The following NCKAP5 variants were observed in gnomAD, a reference collection of about 807,000 sequenced individuals.
The protein encoded by NCKAP5 is nck-associated protein 5.
Under a neutral mutation model 167.0 loss-of-function variants are expected in NCKAP5, and 92 were observed. The observed-to-expected ratio is 0.55, with a 90% CI of 0.47 to 0.66. The LOEUF (loss-of-function observed/expected upper bound fraction) is 0.66, where lower values mean the gene tolerates loss of function less well. Among genes scored for constraint, NCKAP5 ranks in the 30% least tolerant of loss-of-function variants. The pLI is 0.00. For missense variants in NCKAP5, 2,378 were observed against 2,315.0 expected (o/e 1.03, Z -0.56); for synonymous variants, 891 against 877.4 (o/e 1.02, Z -0.27).
rs750398056 is a variant in NCKAP5 at position 132,782,955 on chromosome 2, G to C, written c.3856C>G (p.Pro1286Ala). The C allele has an allele frequency of 1.5e-5, 24 of 1,613,888 alleles. No individual in the cohort carries two copies. The highest frequency in any genetic ancestry group is 1.2e-4 in the Admixed American group (7 of 59,996). The stretch of plus-strand genomic sequence containing the variant: ...GACCCTTCGATGGGGGGCGTAGAAG[G>C]CTTGTCTCCTGAGTGTGTACTGAAG... ...HSFSTHSGDK[P>A]STPPIEGSGK... Residue 1286 changes from proline to alanine, a missense_variant, in exon 14 of 20, where the codon CCT (proline) becomes GCT (alanine). Coordinates refer to ENST00000409261, the MANE Select transcript of NCKAP5 (RefSeq NM_207363.3).
At chr2:133,122,172 A>G (rs545680883) in intron 6 of NCKAP5, 2 of 152,298 alleles carry the variant, frequency 1.3e-5, no homozygotes, top group East Asian at 3.9e-4. Flanking sequence ...AGGGTCAATG[A>G]TTGTCCAAAC....
chr2:132,721,382 C>G (rs1689912472), intron 19 of NCKAP5, among the ~76,000 whole-genome samples: 1 of 152,114 alleles, frequency 6.6e-6, no homozygotes, highest in African/African-American at 2.4e-5. Context: ...GGGCAGCTAT[C>G]TTGGCAAACA....
chr2:133,378,197 C>A (rs977651670), intron 3 of NCKAP5, among the ~76,000 whole-genome samples: 3 of 151,992 alleles, frequency 2.0e-5, no homozygotes, highest in Non-Finnish European at 4.4e-5. Flanking sequence ...AATGATAGTA[C>A]AGATCTTACT....
At chr2:133,586,526 C>T in the NCKAP5 span, among the ~76,000 whole-genome samples, 5 of 152,266 alleles carry the variant, frequency 3.3e-5, no homozygotes, top group Non-Finnish European at 5.9e-5. Context: ...AACAGGTCAT[C>T]GCTCAAGGAC....
the NCKAP5 span, among the ~76,000 whole-genome samples, chr2:133,646,866 A>C: frequency 2.6e-5 from 4 of 152,162 alleles, no homozygotes; most frequent in Admixed American, 2.6e-4. Context: ...CAAAGTACAG[A>C]CTTTTTGTAT....
chr2:133,542,026 C>T (rs760584643), intron 2 of NCKAP5, among the ~76,000 whole-genome samples: 16 of 152,268 alleles, frequency 1.1e-4, no homozygotes, highest in Middle Eastern at 3.4e-3. Context: ...ACTGAATTCT[C>T]TCACATGGTA....
intron 5 of NCKAP5, among the ~76,000 whole-genome samples, chr2:133,202,145 G>C (rs886325967): frequency 2.0e-5 from 3 of 152,086 alleles, no homozygotes; most frequent in Non-Finnish European, 2.9e-5. Context: ...ATACTACAAG[G>C]CTACAGTAAC....
chr2:132,894,380 A>G (rs182322676), intron 8 of NCKAP5, among the ~76,000 whole-genome samples: 1 of 152,358 alleles, frequency 6.6e-6, no homozygotes, highest in African/African-American at 2.4e-5. Context: ...TGGGTAACAA[A>G]GTGAGATAAA....
chr2:133,334,661 G>A (rs2150739668), intron 3 of NCKAP5, among the ~76,000 whole-genome samples: 2 of 152,210 alleles, frequency 1.3e-5, no homozygotes. Flanking sequence ...TATGTAGATT[G>A]GGCTTGGTTA....
chr2:133,141,175 T>C (rs2082982418), intron 5 of NCKAP5, among the ~76,000 whole-genome samples: 2 of 152,162 alleles, frequency 1.3e-5, no homozygotes, highest in Admixed American at 1.3e-4. Flanking sequence ...TCTGTCATCT[T>C]CTTTCCCTTA....
At chr2:133,129,092 C>CTTTTTTTTTTTT (rs58355335) in intron 6 of NCKAP5, among the ~76,000 whole-genome samples, 1 of 143,930 alleles carries the variant, frequency 6.9e-6, no homozygotes. Context: ...TTTGGCTGGC[C>CTTTTTTTTTTTT]TTTTTTTTTT....
chr2:133,065,631 T>A (rs1559104421), intron 6 of NCKAP5, among the ~76,000 whole-genome samples: 3 of 152,044 alleles, frequency 2.0e-5, no homozygotes, highest in African/African-American at 7.2e-5. Flanking sequence ...CTTAAAAATT[T>A]TTTTTCTCTC....
At chr2:133,488,338 G>A (rs1681097690) in intron 3 of NCKAP5, among the ~76,000 whole-genome samples, 1 of 151,994 alleles carries the variant, frequency 6.6e-6, no homozygotes, top group African/African-American at 2.4e-5. Context: ...CTGGTCAAAG[G>A]GCTTCCAACA....
the NCKAP5 span, among the ~76,000 whole-genome samples, chr2:133,608,934 A>G: frequency 1.8e-3 from 269 of 152,294 alleles, 4 homozygotes; most frequent in African/African-American, 6.1e-3. Flanking sequence ...ATGGATTGGC[A>G]TTTTTTGAAC....
chr2:133,666,103 T>A, the NCKAP5 span, among the ~76,000 whole-genome samples: 1 of 151,860 alleles, frequency 6.6e-6, no homozygotes, highest in Non-Finnish European at 1.5e-5. Context: ...ATTTTTAAAA[T>A]GAATTCCTAA....
chr2:133,112,469 G>A (rs924974689), intron 6 of NCKAP5, among the ~76,000 whole-genome samples: 1 of 141,012 alleles, frequency 7.1e-6, no homozygotes, highest in Non-Finnish European at 1.5e-5. Context: ...GTAAGACTCC[G>A]TCTTAAAAAA....
At chr2:133,360,462 G>T (rs1685024333) in intron 3 of NCKAP5, among the ~76,000 whole-genome samples, 1 of 152,156 alleles carries the variant, frequency 6.6e-6, no homozygotes, top group Non-Finnish European at 1.5e-5. Flanking sequence ...CAGGAACAGA[G>T]ATAGCAAGTA....
chr2:133,444,935 C>A (rs958071034), intron 3 of NCKAP5, among the ~76,000 whole-genome samples: 1 of 152,132 alleles, frequency 6.6e-6, no homozygotes, highest in Admixed American at 6.5e-5. Flanking sequence ...TAATTACTTG[C>A]ATTTTAAGAT....
chr2:133,198,010 C>T (rs1446314197), intron 5 of NCKAP5, among the ~76,000 whole-genome samples: 1 of 151,850 alleles, frequency 6.6e-6, no homozygotes, highest in Non-Finnish European at 1.5e-5. Context: ...CAAAGAAACA[C>T]AAAATACAAA....
Sources: gnomAD v4.1 joint callset for allele counts (sites outside exome capture counted in the v4.1 genomes callset) on GRCh38, gnomAD v4.1.1 for gene constraint, MANE v1.5 for transcripts, NCBI Gene and HGNC (gene_info 2026-07-23, HGNC 2026-07-21) for gene names.